The following CSMD1 variants were observed in gnomAD, a reference collection of about 807,000 sequenced individuals.
The protein encoded by CSMD1 is CUB and sushi domain-containing protein 1.
CSMD1 carries 213 observed loss-of-function variants against 417.5 expected under a neutral mutation model. The observed-to-expected ratio is 0.51, with a 90% CI of 0.46 to 0.57. The LOEUF (loss-of-function observed/expected upper bound fraction) is 0.57. Ranked by LOEUF, CSMD1 falls within the 20% of genes least tolerant of loss-of-function variation. The pLI is 0.00. For synonymous variants in CSMD1, 2,862 were observed against 1,736.8 expected, an observed-to-expected ratio of 1.65 and a Z score of -16.11; for missense variants, 6,923 against 4,529.7, an observed-to-expected ratio of 1.53 and a Z score of -15.17.
intron 3 of CSMD1, among the ~76,000 whole-genome samples, chr8:4,322,168 A>C (rs1025463885): frequency 3.9e-5 from 6 of 152,220 alleles, no homozygotes; most frequent in Non-Finnish European, 7.3e-5. Flanking sequence ...AACATTGCTA[A>C]AAGTTTCCTA....
At chr8:4,198,100 T>C (rs1382871940) in intron 3 of CSMD1, among the ~76,000 whole-genome samples, 2 of 152,220 alleles carry the variant, frequency 1.3e-5, no homozygotes, top group Non-Finnish European at 2.9e-5. Flanking sequence ...GAGTCTGAGT[T>C]AAGGTAAGTT....
chr8:4,351,136 T>A (rs977384743), intron 3 of CSMD1, among the ~76,000 whole-genome samples: 1 of 150,638 alleles, frequency 6.6e-6, no homozygotes, highest in Non-Finnish European at 1.5e-5. Context: ...CCGGGCAACA[T>A]AGCAAGGTCC....
At chr8:4,110,408 A>G (rs1010829208) in intron 3 of CSMD1, among the ~76,000 whole-genome samples, 2 of 152,160 alleles carry the variant, frequency 1.3e-5, no homozygotes, top group Admixed American at 6.5e-5. Context: ...AGTCAAAAAT[A>G]TAGTACTCTG....
intron 3 of CSMD1, among the ~76,000 whole-genome samples, chr8:4,345,797 C>G (rs143394356): frequency 7.8e-4 from 119 of 152,178 alleles, no homozygotes; most frequent in African/African-American, 2.6e-3. Flanking sequence ...TTCCACAAAA[C>G]CAGTCTGTGC....
chr8:4,398,548 C>T (rs1486999763), intron 3 of CSMD1, among the ~76,000 whole-genome samples: 1 of 151,884 alleles, frequency 6.6e-6, no homozygotes, highest in Non-Finnish European at 1.5e-5. Context: ...CGCCCGCCAC[C>T]ATGCCCGGCC....
At chr8:3,095,233 A>C (rs1175485076) in intron 47 of CSMD1, among the ~76,000 whole-genome samples, 1 of 152,194 alleles carries the variant, frequency 6.6e-6, no homozygotes, top group Admixed American at 6.5e-5. Context: ...ATATGTCTAT[A>C]TATACACAAA....
chr8:3,158,124 T>C (rs919721244), intron 38 of CSMD1, among the ~76,000 whole-genome samples, 158 bp from the exon 39 acceptor site: 1 of 152,200 alleles, frequency 6.6e-6, no homozygotes, highest in Admixed American at 6.5e-5. Context: ...TGATTATTAG[T>C]GAGTCACATT....
intron 3 of CSMD1, among the ~76,000 whole-genome samples, chr8:4,272,559 C>A (rs186356161): frequency 6.6e-6 from 1 of 152,290 alleles, no homozygotes; most frequent in Admixed American, 6.5e-5. Flanking sequence ...ACTTGTAATA[C>A]CAGTTATTTA....
At chr8:3,514,947 T>A (rs1198654492) in intron 10 of CSMD1, among the ~76,000 whole-genome samples, 1 of 152,214 alleles carries the variant, frequency 6.6e-6, no homozygotes, top group Non-Finnish European at 1.5e-5. Context: ...TTTGAATTGA[T>A]AAATATTATT....
intron 3 of CSMD1, among the ~76,000 whole-genome samples, chr8:4,400,650 T>G (rs1804582500): frequency 6.6e-6 from 1 of 152,194 alleles, no homozygotes; most frequent in African/African-American, 2.4e-5. Flanking sequence ...GTCTTTAAAT[T>G]TAATACAACC....
At chr8:4,831,957 G>T (rs370547770) in intron 1 of CSMD1, among the ~76,000 whole-genome samples, 4 of 152,226 alleles carry the variant, frequency 2.6e-5, no homozygotes, top group African/African-American at 9.6e-5. Context: ...TTTTTGTCTG[G>T]GAGAAAAAGT....
chr8:3,977,850 C>A (rs989682240), intron 5 of CSMD1, among the ~76,000 whole-genome samples: 3 of 152,174 alleles, frequency 2.0e-5, no homozygotes, highest in Admixed American at 2.0e-4. Context: ...CAAGAAATAA[C>A]TAAGGAAAAT....
chr8:4,466,053 G>A (rs997471773), intron 2 of CSMD1, among the ~76,000 whole-genome samples: 1 of 152,192 alleles, frequency 6.6e-6, no homozygotes, highest in African/African-American at 2.4e-5. Flanking sequence ...ACCATCCAAT[G>A]ATAACACAAG....
intron 3 of CSMD1, among the ~76,000 whole-genome samples, chr8:4,395,124 A>G (rs926913737): frequency 6.6e-6 from 1 of 152,104 alleles, no homozygotes; most frequent in Admixed American, 6.6e-5. Context: ...CAGAGAGTGG[A>G]GCTGAAGCCC....
At chr8:3,917,060 A>G (rs1189426533) in intron 5 of CSMD1, among the ~76,000 whole-genome samples, 3 of 151,804 alleles carry the variant, frequency 2.0e-5, no homozygotes, top group Non-Finnish European at 4.4e-5. Flanking sequence ...TGAATGTTAC[A>G]TAATATGTTT....
At chr8:3,198,026 C>G (rs1325093535) in intron 33 of CSMD1, among the ~76,000 whole-genome samples, 2 of 152,124 alleles carry the variant, frequency 1.3e-5, no homozygotes, top group African/African-American at 4.8e-5. Flanking sequence ...GTCATATACT[C>G]TTGAGGACAA....
intron 10 of CSMD1, among the ~76,000 whole-genome samples, chr8:3,565,227 T>G (rs201697962): frequency 9.4e-6 from 1 of 106,048 alleles, no homozygotes; most frequent in Non-Finnish European, 1.9e-5. Context: ...GATAGACAGA[T>G]AGATAGATTA....
At chr8:3,891,781 C>T (rs368127166) in intron 5 of CSMD1, among the ~76,000 whole-genome samples, 6 of 152,242 alleles carry the variant, frequency 3.9e-5, no homozygotes, top group East Asian at 3.9e-4. Context: ...AACGTCATTA[C>T]TATGTGATTT....
At chr8:4,210,657 A>AAC (rs1305376496) in intron 3 of CSMD1, among the ~76,000 whole-genome samples, 1 of 152,218 alleles carries the variant, frequency 6.6e-6, no homozygotes, top group East Asian at 1.9e-4. Context: ...AAGAAAAAAA[A>AAC]ACACTTATCT....
Sources: allele counts gnomAD v4.1 joint callset (sites outside exome capture counted in the v4.1 genomes callset), GRCh38; gene constraint gnomAD v4.1.1; transcripts MANE v1.5; gene names NCBI Gene and HGNC (gene_info 2026-07-23, HGNC 2026-07-21).